The following DECR1 variants were observed in gnomAD, a reference collection of about 807,000 sequenced individuals.
DECR1 encodes the protein 2,4-dienoyl-CoA reductase 1.
In DECR1, 44 loss-of-function variants were observed where a neutral mutation model predicts 38.8. That is an observed-to-expected ratio of 1.13 (90% CI 0.89 to 1.46). DECR1 has a LOEUF of 1.46. Among genes scored for constraint, DECR1 ranks in the 40% most tolerant of loss-of-function variants. DECR1 has a pLI of 0.00. For missense variants in DECR1, 428 were observed against 405.5 expected, an observed-to-expected ratio of 1.06 and a Z score of -0.48; for synonymous variants, 148 against 135.2, an observed-to-expected ratio of 1.09 and a Z score of -0.66.
At chr8:90,014,816 C>T (rs887574316) in intron 1 of DECR1, among the ~76,000 whole-genome samples, 6 of 152,060 alleles carry the variant, frequency 3.9e-5, no homozygotes, top group Admixed American at 2.6e-4. Flanking sequence ...GACAAATTTA[C>T]CATTCTACTT....
chr8:90,048,733 CAA>C lies in DECR1; in HGVS notation c.886-2938_886-2937del, dbSNP rs536214166. 9.6e-3 allele frequency among the ~76,000 whole-genome samples: 1,464 copies of C among 152,010 alleles called. 26 individuals are homozygous for C. Among genetic ancestry groups the C allele is most frequent in the African/African-American group, 0.034 (1,414 of 41,456 alleles). On this transcript the variant is annotated intron_variant, in intron 8 of 9. Coordinates refer to ENST00000220764, the MANE Select transcript of DECR1 (RefSeq NM_001359.2). Reference sequence around the variant, plus strand: ...CGAAAGCCTGGCAGAGATACAACAACAAAAAAAGAGAATTTTAGACCAATATT... The same window carrying C: ...CGAAAGCCTGGCAGAGATACAACAACAAAAAGAGAATTTTAGACCAATATT...
chr8:90,015,129 T>C (rs892069774), intron 1 of DECR1, among the ~76,000 whole-genome samples: 10 of 152,054 alleles, frequency 6.6e-5, no homozygotes, highest in African/African-American at 2.2e-4. Context: ...ATTGGATAGA[T>C]TTGGAAAGTA....
At chr8:90,045,694 C>T (rs547249354) in intron 8 of DECR1, among the ~76,000 whole-genome samples, 91 of 152,170 alleles carry the variant, frequency 6.0e-4, no homozygotes, top group Non-Finnish European at 1.1e-3. Context: ...GTGGTTCTCC[C>T]AGCATGGAGT....
chr8:90,010,593 A>G (rs1812858660), intron 1 of DECR1, among the ~76,000 whole-genome samples: 1 of 152,228 alleles, frequency 6.6e-6, no homozygotes, highest in South Asian at 2.1e-4. Flanking sequence ...TTTGAAAAAT[A>G]TGGTTGTCCA....
chr8:90,003,158 T>G (rs1040769241), intron 1 of DECR1: 5 of 152,216 alleles, frequency 3.3e-5, no homozygotes, highest in African/African-American at 7.2e-5. Context: ...GCCTCAAGTT[T>G]GAATTCCTGG....
At chr8:90,004,542 G>T (rs1812694064) in intron 1 of DECR1, among the ~76,000 whole-genome samples, 1 of 152,126 alleles carries the variant, frequency 6.6e-6, no homozygotes, top group Admixed American at 6.5e-5. Flanking sequence ...GGATGGATAG[G>T]CATAATTTTA....
chr8:90,042,841 A>T, intron 7 of DECR1, 41 bp downstream of exon 7: 1 of 1,509,066 alleles, frequency 6.6e-7, no homozygotes, highest in Non-Finnish European at 9.2e-7. Flanking sequence ...TGAATGATTA[A>T]ATAATGAAAC....
intron 5 of DECR1, among the ~76,000 whole-genome samples, chr8:90,030,268 G>C (rs1208799777): frequency 6.6e-6 from 1 of 152,128 alleles, no homozygotes. Flanking sequence ...ACTGGCCATA[G>C]ACTGGTATGG....
At chr8:90,030,516 C>T (rs961661937) in intron 5 of DECR1, 2 of 152,172 alleles carry the variant, frequency 1.3e-5, no homozygotes, top group African/African-American at 4.8e-5. Flanking sequence ...TGGAGACCTG[C>T]AAAAGGAAGG....
At chr8:90,002,207 C>A (rs1812633994) in intron 1 of DECR1, among the ~76,000 whole-genome samples, 1 of 152,132 alleles carries the variant, frequency 6.6e-6, no homozygotes, top group African/African-American at 2.4e-5. Context: ...GGGGATCAGG[C>A]CGAGCGAGCA....
At chr8:90,034,953 T>C (rs1813583473) in intron 5 of DECR1, among the ~76,000 whole-genome samples, 1 of 152,210 alleles carries the variant, frequency 6.6e-6, no homozygotes, top group Non-Finnish European at 1.5e-5. Flanking sequence ...ATCATTTTCA[T>C]ATCACCTTGA....
intron 8 of DECR1, among the ~76,000 whole-genome samples, chr8:90,049,213 A>G (rs973456394): frequency 8.5e-5 from 13 of 152,170 alleles, no homozygotes; most frequent in African/African-American, 3.1e-4. Flanking sequence ...AAGGGTATTC[A>G]ATTAGGAAAA....
At chr8:90,012,522 A>G (rs1812911432) in intron 1 of DECR1, among the ~76,000 whole-genome samples, 1 of 152,122 alleles carries the variant, frequency 6.6e-6, no homozygotes. Context: ...GGTCATTGGA[A>G]ATGACTAATT....
intron 1 of DECR1, among the ~76,000 whole-genome samples, chr8:90,011,093 A>G (rs961277330): frequency 6.6e-6 from 1 of 152,222 alleles, no homozygotes; most frequent in Non-Finnish European, 1.5e-5. Flanking sequence ...ATGTCAACAT[A>G]TGTATGAAGA....
At chr8:90,049,366 C>G (rs936323196) in intron 8 of DECR1, among the ~76,000 whole-genome samples, 7 of 152,122 alleles carry the variant, frequency 4.6e-5, no homozygotes, top group Non-Finnish European at 1.0e-4. Context: ...AAATCACAAG[C>G]ATTTTTTACA....
At chr8:90,033,787 C>T (rs939280451) in intron 5 of DECR1, among the ~76,000 whole-genome samples, 6 of 152,154 alleles carry the variant, frequency 3.9e-5, no homozygotes, top group African/African-American at 9.6e-5. Context: ...TGGCTTAACT[C>T]CTTTCCCACA....
At chr8:90,023,979 G>T (rs1312047829) in intron 5 of DECR1, among the ~76,000 whole-genome samples, 1 of 152,060 alleles carries the variant, frequency 6.6e-6, no homozygotes, top group African/African-American at 2.4e-5. Context: ...TTGGTTTTCT[G>T]TCTTTGCAAT....
chr8:90,048,232 C>G (rs1401233483), intron 8 of DECR1, among the ~76,000 whole-genome samples: 1 of 151,944 alleles, frequency 6.6e-6, no homozygotes, highest in Non-Finnish European at 1.5e-5. Context: ...TTCAAAAAAT[C>G]AATGAATCCA....
intron 5 of DECR1, among the ~76,000 whole-genome samples, chr8:90,028,919 C>A (rs1416344512): frequency 6.6e-6 from 1 of 151,996 alleles, no homozygotes; most frequent in Non-Finnish European, 1.5e-5. Flanking sequence ...TGGAAACTGA[C>A]GTACAATCTT....
Sources: gnomAD v4.1 joint callset for allele counts (sites outside exome capture counted in the v4.1 genomes callset) on GRCh38, gnomAD v4.1.1 for gene constraint, MANE v1.5 for transcripts, NCBI Gene and HGNC (gene_info 2026-07-23, HGNC 2026-07-21) for gene names.